PARVB: variants seen among roughly 807,000 people sequenced by gnomAD.
PARVB encodes parvin beta, also known as beta-parvin.
Under a neutral mutation model 47.0 loss-of-function variants are expected in PARVB, and 46 were observed. The observed-to-expected ratio is 0.98, with a 90% CI of 0.77 to 1.25. The LOEUF is 1.25. Among genes scored for constraint, PARVB ranks in the 50% most tolerant of loss-of-function variants. PARVB has a pLI of 0.00. For synonymous variants in PARVB, 196 were observed against 196.3 expected (o/e 1.00, Z 0.01); for missense variants, 473 against 471.6 (o/e 1.00, Z -0.03).
intron 1 of PARVB, among the ~76,000 whole-genome samples, chr22:44,029,003 T>C (rs2050778452): frequency 6.6e-6 from 1 of 152,196 alleles, no homozygotes; most frequent in African/African-American, 2.4e-5. Flanking sequence ...ATTTTATTTT[T>C]GAGATAGGGT....
At chr22:44,146,251 C>T (rs374764940) in intron 8 of PARVB, 8 of 145,226 alleles carry the variant, frequency 5.5e-5, no homozygotes, top group East Asian at 4.2e-4. Flanking sequence ...CGCGCTCACA[C>T]GTACACACGC....
At chr22:44,048,957 T>C (rs535825050) in intron 1 of PARVB, among the ~76,000 whole-genome samples, 1 of 152,310 alleles carries the variant, frequency 6.6e-6, no homozygotes, top group African/African-American at 2.4e-5. Flanking sequence ...CCTAAAATGC[T>C]GGGATTACAG....
In PARVB at chr22:44,136,501, G is replaced by A; in HGVS notation, c.675G>A (p.Glu225=). ...TGCATTCCAGCCACATCTCGGAGGA[G>A]CTGACCACAACTACAGAGTAAGTGG... The part of the protein sequence containing the change: ...GLLHSSHISE[E]LTTTTEMMMG... The change falls in exon 7 of 13, where the codon GAG becomes GAA. Residue 225 remains glutamate (E), a synonymous_variant. Transcript: ENST00000338758. 1.2e-6 allele frequency: 2 copies of A among 1,614,050 alleles called. No homozygotes were observed. The highest frequency in any genetic ancestry group is 2.2e-5 in the South Asian group (2 of 91,072).
chr22:44,059,983 G>C (rs917271227), intron 1 of PARVB, among the ~76,000 whole-genome samples: 12 of 151,988 alleles, frequency 7.9e-5, no homozygotes, highest in African/African-American at 2.9e-4. Context: ...AAGGCGGAAA[G>C]GGCACTCTGA....
intron 1 of PARVB, among the ~76,000 whole-genome samples, chr22:44,046,970 G>A (rs1455177100): frequency 2.0e-5 from 3 of 152,132 alleles, no homozygotes; most frequent in Admixed American, 6.5e-5. Flanking sequence ...TGTGCGGGGG[G>A]TGGGGATGGC....
At chr22:44,059,593 A>G (rs2284155) in intron 1 of PARVB, among the ~76,000 whole-genome samples, 96,014 of 152,054 alleles carry the variant, frequency 0.63, 30,872 homozygotes, top group East Asian at 0.77. Flanking sequence ...ATCAGCCTCG[A>G]GAAGTAGAAG....
chr22:44,144,294 G>T (rs897538457), intron 8 of PARVB: 1 of 152,234 alleles, frequency 6.6e-6, no homozygotes, highest in African/African-American at 2.4e-5. Flanking sequence ...TCTAGATTAT[G>T]CAATGATAAT....
At position 44,073,914 on chromosome 22, in the gene PARVB, C is replaced by T. The variant is rs535786267; in HGVS notation, c.113-20014C>T. On this transcript the variant is annotated intron_variant, in intron 1 of 12. Transcript: ENST00000338758. ...CATTTTTACACTCCCTCATTTAATC[C>T]GCAGCACTGGAGGAGGTGTGATTAT... Among the ~76,000 whole-genome samples the T allele has an allele frequency of 3.9e-4, 59 of 152,302 alleles. No individual in the cohort carries two copies. In the South Asian group the frequency reaches 7.5e-3, roughly 19 times the overall value.
intron 4 of PARVB, among the ~76,000 whole-genome samples, chr22:44,128,434 C>G (rs133917): frequency 1.3e-5 from 2 of 152,020 alleles, no homozygotes; most frequent in African/African-American, 2.4e-5. Flanking sequence ...GCTGCTCCTG[C>G]GGCCCCCGCC....
At chr22:44,013,834 T>C (rs2050549243) in intron 2 of PARVB, among the ~76,000 whole-genome samples, 2 of 152,112 alleles carry the variant, frequency 1.3e-5, no homozygotes, top group African/African-American at 4.8e-5. Context: ...GGTTTCGCCA[T>C]GTTGGCCAGG....
chr22:44,119,038 G>A lies in PARVB; in HGVS notation c.274G>A (p.Val92Ile). ...EDPKFKELVK[V>I]LLDWINDVLV... is the part of the protein sequence containing the mutation. ...GCCATAATGCCTGCGTCTCCTGCAG[G>A]TCCTCCTCGACTGGATTAATGACGT... The change falls in exon 4 of 13, where the codon GTC becomes ATC. Residue 92 changes from valine to isoleucine, a missense_variant and splice_region_variant. Val to Ile is a conservative substitution (Grantham distance 29). Coordinates refer to ENST00000338758, the MANE Select transcript of PARVB (RefSeq NM_013327.5). The A allele has an allele frequency of 6.2e-7, 1 of 1,611,680 alleles. No homozygotes were observed. Among genetic ancestry groups the A allele is most frequent in the South Asian group, 1.1e-5 (1 of 91,016 alleles).
chr22:44,031,232 GAGT>G (rs2050821470), intron 1 of PARVB: 1 of 152,230 alleles, frequency 6.6e-6, no homozygotes, highest in Non-Finnish European at 1.5e-5. Flanking sequence ...TCAGGGTGGT[GAGT>G]GGAACTCCCT....
At chr22:44,081,918 A>G (rs2051909778) in intron 1 of PARVB, among the ~76,000 whole-genome samples, 1 of 152,204 alleles carries the variant, frequency 6.6e-6, no homozygotes. Flanking sequence ...ATCATTTGGA[A>G]GTACCCCCTG....
Position 44,015,220 on chromosome 22 carries a change from A to T in PARVB, c.211+15547A>T, listed in dbSNP as rs529217681. On this transcript the variant is annotated intron_variant, in intron 2 of 13. Transcript: ENST00000406477. Reference sequence around the variant, plus strand: ...AATAATGATACAGGAGATAGAAAGAAATTATTTAGACAGATAGTGAGGGTG... The same window carrying T: ...AATAATGATACAGGAGATAGAAAGATATTATTTAGACAGATAGTGAGGGTG... Among the ~76,000 whole-genome samples, 6 of 150,808 alleles carry T rather than the reference A, an allele frequency of 4.0e-5. No individual in the cohort carries two copies. In the South Asian group the frequency reaches 1.0e-3, roughly 26 times the overall value.
intron 2 of PARVB, among the ~76,000 whole-genome samples, chr22:44,098,372 A>G (rs1483418968): frequency 1.3e-5 from 2 of 152,160 alleles, no homozygotes; most frequent in African/African-American, 2.4e-5. Context: ...ATTCGGGCTC[A>G]AGGATCTCAG....
intron 2 of PARVB, among the ~76,000 whole-genome samples, chr22:44,007,870 C>T (rs896842221): frequency 3.3e-5 from 5 of 152,094 alleles, no homozygotes; most frequent in Admixed American, 1.3e-4. Flanking sequence ...TACTTCCTGT[C>T]GCTATTAATT....
intron 9 of PARVB, chr22:44,149,263 T>C (rs2053751880): frequency 6.6e-6 from 1 of 152,194 alleles, no homozygotes; most frequent in Admixed American, 6.5e-5. Flanking sequence ...GTAGATACCA[T>C]GTTAATTCAT....
rs370012225 is a variant in PARVB, at chr22:44,163,888, A to T, written c.976A>T (p.Met326Leu). ...VHNVSFAFEL[M>L]LDGGLKKPKA... is the part of the protein sequence containing the mutation. ...CAATGTGTCCTTCGCCTTTGAGCTG[A>T]TGCTGGACGGAGGCCTCAAGAAACC... is the stretch of plus-strand genomic sequence containing the variant. Residue 326 changes from methionine (M) to leucine (L), a missense_variant, in exon 12 of 13, where the codon ATG becomes TTG. Physicochemically the swap from Met to Leu is conservative, Grantham distance 15. Transcript: ENST00000338758. 4.3e-5 allele frequency: 70 copies of T among 1,611,168 alleles called. 1 individual carries two copies. Among genetic ancestry groups the T allele is most frequent in the South Asian group, 3.8e-4 (34 of 90,104 alleles).
At chr22:44,081,574 G>A in intron 1 of PARVB, 1 of 985,082 alleles carries the variant, frequency 1.0e-6, no homozygotes, top group Non-Finnish European at 1.2e-6. Context: ...CAGCGAACGT[G>A]CTTCTCCAGA....
Sources: gnomAD v4.1 joint callset for allele counts (sites outside exome capture counted in the v4.1 genomes callset) on GRCh38, gnomAD v4.1.1 for gene constraint, MANE v1.5 for transcripts, NCBI Gene and HGNC (gene_info 2026-07-23, HGNC 2026-07-21) for gene names.